Variants in SH3RF1 observed in about 807,000 individuals in gnomAD.
SH3RF1 encodes E3 ubiquitin-protein ligase SH3RF1.
A neutral mutation model predicts 74.0 loss-of-function variants in SH3RF1; 32 were observed. The ratio of observed to expected loss-of-function variants is 0.43; its 90% CI spans 0.33 to 0.58. The LOEUF is 0.58. Among genes scored for constraint, SH3RF1 ranks in the 20% least tolerant of loss-of-function variants. SH3RF1 has a pLI of 0.05. For missense variants in SH3RF1, 954 were observed against 1,130.9 expected (o/e 0.84, Z 2.24); for synonymous variants, 396 against 439.6 (o/e 0.90, Z 1.24).
rs1363626033 is a variant in SH3RF1, at chr4:169,094,383, A to G, written c.*2136T>C. ...TCACTGTGTAACAAGCCCTTGTTACAAAATCTCCCTCTACTGTCTGCAAAA... is the reference window on the plus strand; with the variant it reads ...TCACTGTGTAACAAGCCCTTGTTACGAAATCTCCCTCTACTGTCTGCAAAA... On this transcript the variant is annotated 3_prime_UTR_variant, in exon 12 of 12. Coordinates refer to ENST00000284637, the MANE Select transcript of SH3RF1 (RefSeq NM_020870.4). 1 of 152,114 alleles carries G rather than the reference A, an allele frequency of 6.6e-6. No individual in the cohort carries two copies. Among genetic ancestry groups the G allele is most frequent in the African/African-American group, 2.4e-5 (1 of 41,434 alleles). 9.4% of individuals were successfully genotyped at this position (152,114 alleles called of 1,614,324 possible). A position where few individuals can be genotyped will look rare whatever the true frequency, so the allele number is the denominator to read the frequency against.
chr4:169,146,836 G>A (rs1187923626), intron 4 of SH3RF1, among the ~76,000 whole-genome samples: 1 of 152,126 alleles, frequency 6.6e-6, no homozygotes, highest in Non-Finnish European at 1.5e-5. Flanking sequence ...AGGATAGCCA[G>A]GGGAAAGGGA....
rs1733707100 is a variant in SH3RF1 at position 169,136,623 on chromosome 4, G to A, written c.766-3C>T. ...AGCTGCTTAGCAGCCGAGTTAAACT[G>A]CAAAAGCAACCAACAAACCAACACA... On this transcript the variant is annotated splice_region_variant and splice_polypyrimidine_tract_variant and intron_variant, in intron 4 of 11. Coordinates refer to ENST00000284637, the MANE Select transcript of SH3RF1 (RefSeq NM_020870.4). 1.5e-5 allele frequency: 22 copies of A among 1,490,404 alleles called. No individual in the cohort carries two copies. Among genetic ancestry groups the A allele is most frequent in the Admixed American group, 2.4e-5 (1 of 41,988 alleles). 92.3% of individuals were successfully genotyped at this position (1,490,404 alleles called of 1,614,324 possible). A position where few individuals can be genotyped will look rare whatever the true frequency, so the allele number is the denominator to read the frequency against.
At chr4:169,195,656 T>C (rs1734796768) in intron 2 of SH3RF1, among the ~76,000 whole-genome samples, 1 of 152,130 alleles carries the variant, frequency 6.6e-6, no homozygotes, top group African/African-American at 2.4e-5. Flanking sequence ...TTACATATTT[T>C]CTTTCAGCTC....
intron 2 of SH3RF1, among the ~76,000 whole-genome samples, chr4:169,206,784 G>A (rs1332690438): frequency 2.0e-5 from 3 of 152,134 alleles, no homozygotes; most frequent in Non-Finnish European, 4.4e-5. Flanking sequence ...CATTTTACCA[G>A]TGGGAAATAA....
intron 2 of SH3RF1, among the ~76,000 whole-genome samples, chr4:169,192,874 C>A (rs932990275): frequency 1.4e-5 from 2 of 143,650 alleles, no homozygotes; most frequent in Admixed American, 1.4e-4. Context: ...ATATATATAT[C>A]ATATATATGT....
chr4:169,124,528 G>T (rs1483697831), intron 6 of SH3RF1, among the ~76,000 whole-genome samples: 3 of 152,212 alleles, frequency 2.0e-5, no homozygotes, highest in African/African-American at 7.2e-5. Flanking sequence ...TGACAGAAAA[G>T]AGTTCTCTCT....
At chr4:169,211,354 C>T (rs977711876) in intron 2 of SH3RF1, among the ~76,000 whole-genome samples, 13 of 151,880 alleles carry the variant, frequency 8.6e-5, no homozygotes, top group Admixed American at 4.6e-4. Context: ...TGGTGGCAGA[C>T]GCCTGTAGCC....
At chr4:169,234,137 C>T (rs925079047) in intron 2 of SH3RF1, among the ~76,000 whole-genome samples, 3 of 152,124 alleles carry the variant, frequency 2.0e-5, no homozygotes, top group Admixed American at 6.5e-5. Flanking sequence ...TGGATCTCCA[C>T]TGGGGGCAAT....
rs554144692 is a variant in SH3RF1 at position 169,267,020 on chromosome 4, T to A, written c.393+1800A>T. Among the ~76,000 whole-genome samples the A allele has an allele frequency of 1.2e-3, 182 of 152,330 alleles. 1 individual carries two copies. The highest frequency in any genetic ancestry group is 4.1e-3 in the African/African-American group (171 of 41,586). ...CTCATGCTAAAGAAGAAACATGAAG[T>A]AAATTAGGAAAAGCATATAAACCAG... On this transcript the variant is annotated intron_variant, in intron 2 of 11. Transcript: ENST00000284637.
chr4:169,095,833 G>A lies in SH3RF1; in HGVS notation c.*686C>T, dbSNP rs546452316. On this transcript the variant is annotated 3_prime_UTR_variant, in exon 12 of 12. Transcript: ENST00000284637. ...CCCACACAATTAAATTGAGGACTAG[G>A]TCTTCAGGGTGATTCCTACCAAACT... 2 of 152,306 alleles carry A rather than the reference G, an allele frequency of 1.3e-5. No individual in the cohort carries two copies. The highest frequency in any genetic ancestry group is 3.9e-4 in the East Asian group (2 of 5,184). 9.4% of individuals were successfully genotyped at this position (152,306 alleles called of 1,614,324 possible).
chr4:169,103,891 T>C (rs760085347), intron 11 of SH3RF1, among the ~76,000 whole-genome samples: 1 of 152,192 alleles, frequency 6.6e-6, no homozygotes, highest in Admixed American at 6.5e-5. Flanking sequence ...TAAATGGTTA[T>C]ACAAAAAAAC....
At chr4:169,139,131 T>C (rs961971583) in intron 4 of SH3RF1, among the ~76,000 whole-genome samples, 1 of 152,192 alleles carries the variant, frequency 6.6e-6, no homozygotes, top group African/African-American at 2.4e-5. Context: ...TTAGTAGCAA[T>C]GAGGTCTCAT....
At position 169,094,758 on chromosome 4, in the gene SH3RF1, A is replaced by G. The variant is rs1428408999; in HGVS notation, c.*1761T>C. ...TATTTTTTTTTTAAATTCAACACACAGGAACATAATATACATTGTTTTTTT... is the reference window on the plus strand; with the variant it reads ...TATTTTTTTTTTAAATTCAACACACGGGAACATAATATACATTGTTTTTTT... On this transcript the variant is annotated 3_prime_UTR_variant, in exon 12 of 12. Coordinates refer to ENST00000284637, the MANE Select transcript of SH3RF1 (RefSeq NM_020870.4). 6.6e-6 allele frequency: 1 copy of G among 151,536 alleles called. No individual in the cohort carries two copies. Among genetic ancestry groups the G allele is most frequent in the Non-Finnish European group, 1.5e-5 (1 of 67,866 alleles). The allele number at this position is 151,536 out of a possible 1,614,324, so 9.4% of individuals were successfully genotyped here. A position where few individuals can be genotyped will look rare whatever the true frequency, so the allele number is the denominator to read the frequency against.
At chr4:169,112,649 T>G (rs1351467055) in intron 10 of SH3RF1, among the ~76,000 whole-genome samples, 1 of 152,160 alleles carries the variant, frequency 6.6e-6, no homozygotes, top group Non-Finnish European at 1.5e-5. Flanking sequence ...ATGGCTCAAA[T>G]TTTTAAAGGG....
At chr4:169,131,227 C>A (rs1733614201) in intron 5 of SH3RF1, among the ~76,000 whole-genome samples, 1 of 152,188 alleles carries the variant, frequency 6.6e-6, no homozygotes, top group African/African-American at 2.4e-5. Flanking sequence ...ACAAATAAAT[C>A]TATGCTATAC....
At chr4:169,118,204 T>TGCCC (rs1733369623) in intron 8 of SH3RF1, among the ~76,000 whole-genome samples, 1 of 152,180 alleles carries the variant, frequency 6.6e-6, no homozygotes, top group Non-Finnish European at 1.5e-5. Flanking sequence ...ATCACACATG[T>TGCCC]GCCCATGTAC....
intron 10 of SH3RF1, 91 bp downstream of exon 10, chr4:169,116,178 C>A: frequency 7.9e-6 from 12 of 1,515,282 alleles, no homozygotes; most frequent in Non-Finnish European, 1.1e-5. Flanking sequence ...AACAGTGAGT[C>A]CTCTCATTAG....
chr4:169,156,774 T>A, intron 2 of SH3RF1, 95 bp from the exon 3 acceptor site: 1 of 1,184,434 alleles, frequency 8.4e-7, no homozygotes, highest in Non-Finnish European at 1.2e-6. Flanking sequence ...AAAGTCAAAG[T>A]CAAAACCACA....
Position 169,117,682 on chromosome 4 carries a change from C to A in SH3RF1, c.1618G>T (p.Ala540Ser). The A allele has an allele frequency of 6.2e-7, 1 of 1,614,206 alleles. No individual in the cohort carries two copies. Among genetic ancestry groups the A allele is most frequent in the East Asian group, 2.2e-5 (1 of 44,868 alleles). The change falls in exon 9 of 12, where the codon GCC (alanine) becomes TCC (serine). Residue 540 changes from alanine (A) to serine (S), a missense_variant. Physicochemically the swap from Ala to Ser is moderately conservative, Grantham distance 99 (BLOSUM62 1). Transcript: ENST00000284637. ...ACGCCATTTCCCTGGAGCTTCTGGG[C>A]AGGCCCTCCTGCCGTGGAAGGACTG... ...MVSPSTAGGP[A>S]QKLQGNGVAG... is the part of the protein sequence containing the mutation.
Sources: gnomAD v4.1 joint callset for allele counts (sites outside exome capture counted in the v4.1 genomes callset) on GRCh38, gnomAD v4.1.1 for gene constraint, MANE v1.5 for transcripts, NCBI Gene and HGNC (gene_info 2026-07-23, HGNC 2026-07-21) for gene names.